GNPTAB: variants seen among roughly 807,000 people sequenced by gnomAD.
GNPTAB encodes the protein N-acetylglucosamine-1-phosphotransferase subunits alpha/beta.
Under a neutral mutation model 136.6 loss-of-function variants are expected in GNPTAB, and 92 were observed. The ratio of observed to expected loss-of-function variants is 0.67; its 90% confidence interval spans 0.57 to 0.80. GNPTAB has a LOEUF of 0.80. Ranked by LOEUF, GNPTAB falls within the 30% of genes least tolerant of loss-of-function variation. GNPTAB has a pLI of 0.00. For synonymous variants in GNPTAB, 512 were observed against 535.1 expected, an observed-to-expected ratio of 0.96 and a Z score of 0.60; for missense variants, 1,343 against 1,501.8, an observed-to-expected ratio of 0.89 and a Z score of 1.75.
intron 11 of GNPTAB, among the ~76,000 whole-genome samples, chr12:101,766,604 C>T (rs192188888): frequency 1.2e-3 from 188 of 152,288 alleles, no homozygotes; most frequent in Middle Eastern, 3.4e-3. Flanking sequence ...CACCACTGCA[C>T]TCCAGCCTGG....
intron 2 of GNPTAB, chr12:101,796,225 A>T: frequency 5.7e-6 from 4 of 702,400 alleles, no homozygotes; most frequent in Non-Finnish European, 1.0e-5. Flanking sequence ...TGGTTTCCTC[A>T]TCCTACAGGG....
chr12:101,753,498 TTA>T lies in GNPTAB; in HGVS notation c.3474_3475del (p.His1158GlnfsTer15), dbSNP rs281865038. 1 of 1,614,006 alleles carries T rather than the reference TTA, an allele frequency of 6.2e-7. No individual in the cohort carries two copies. Among genetic ancestry groups the T allele is most frequent in the East Asian group, 2.2e-5 (1 of 44,866 alleles). ...AACAGCCTTCACTGTCTGAGCATCTTTATGATTGTGGTCAATGTTGTCATTCA... is the reference window on the plus strand; with the variant it reads ...AACAGCCTTCACTGTCTGAGCATCTTTGATTGTGGTCAATGTTGTCATTCA... On this transcript the variant is annotated frameshift_variant, in exon 19 of 21. Coordinates refer to ENST00000299314, the MANE Select transcript of GNPTAB (RefSeq NM_024312.5). LOFTEE classifies it high-confidence loss of function.
At position 101,789,874 on chromosome 12, in the gene GNPTAB, C is replaced by T; in HGVS notation, c.323+64G>A. 3 of 1,437,570 alleles carry T rather than the reference C, an allele frequency of 2.1e-6. No individual in the cohort carries two copies. In the Admixed American group the frequency reaches 5.0e-5, roughly 24 times the overall value. 89.1% of individuals were successfully genotyped at this position (1,437,570 alleles called of 1,614,324 possible). On this transcript the variant is annotated intron_variant, in intron 3 of 20. Coordinates refer to ENST00000299314, the MANE Select transcript of GNPTAB (RefSeq NM_024312.5). Reference sequence around the variant, plus strand: ...TTTCATGCTCATATGTGAGATGTGCCACCCTCAGACCTTATTACATCGCCA... The same window carrying T: ...TTTCATGCTCATATGTGAGATGTGCTACCCTCAGACCTTATTACATCGCCA...
In GNPTAB at chr12:101,825,787, T is replaced by G. The variant is rs1321700265; in HGVS notation, c.117+4772A>C. Among the ~76,000 whole-genome samples, 3 of 152,242 alleles carry G rather than the reference T, an allele frequency of 2.0e-5. No homozygotes were observed. In the East Asian group the frequency reaches 5.8e-4, roughly 29 times the overall value. On this transcript the variant is annotated intron_variant, in intron 1 of 20. Coordinates refer to ENST00000299314, the MANE Select transcript of GNPTAB (RefSeq NM_024312.5). ...TGAGGCTCTTAGAAATATAGTCTCA[T>G]AGTTTGTAAACATTTTTTAAACAAT...
rs765553769 is a variant in GNPTAB, at chr12:101,757,621, G to A, written c.3286C>T (p.Pro1096Ser). Residue 1096 changes from proline to serine, a missense_variant, in exon 17 of 21, where the codon CCA becomes TCA. Physicochemically the swap from Pro to Ser is moderately conservative, Grantham distance 74 (BLOSUM62 -1). Coordinates refer to ENST00000299314, the MANE Select transcript of GNPTAB (RefSeq NM_024312.5). ...VTKSLVTNCK[P>S]VTDKIHKAYK... ...GCTTTGTGGATTTTGTCAGTTACTG[G>A]TTTACAGTTTGTTACTAGACTTTTA... The A allele has an allele frequency of 8.2e-6, 13 of 1,588,502 alleles. No homozygotes were observed. Among genetic ancestry groups the A allele is most frequent in the African/African-American group, 1.3e-5 (1 of 74,504 alleles).
In GNPTAB at chr12:101,753,409, G is replaced by A. The variant is rs137852897; in HGVS notation, c.3565C>T (p.Arg1189Ter). The A allele has an allele frequency of 2.5e-5, 41 of 1,613,814 alleles. No individual in the cohort carries two copies. The East Asian group carries it at 3.3e-4, about 13-fold the overall frequency. The change falls in exon 19 of 21, where the codon CGA (arginine) becomes TGA (stop). Residue 1189 changes from arginine to a stop codon, truncating the protein, a stop_gained. Coordinates refer to ENST00000299314, the MANE Select transcript of GNPTAB (RefSeq NM_024312.5). LOFTEE classifies it high-confidence loss of function. ...TCATGCATATGAAGGAAACGGTTTCGATACTCTCTTGGCAGTTCAAATTGG... is the reference window on the plus strand; with the variant it reads ...TCATGCATATGAAGGAAACGGTTTCAATACTCTCTTGGCAGTTCAAATTGG... ...PSQFELPREY[R>*]NRFLHMHELQ...
At chr12:101,792,848 C>T (rs1351999526) in intron 2 of GNPTAB, among the ~76,000 whole-genome samples, 1 of 152,176 alleles carries the variant, frequency 6.6e-6, no homozygotes, top group Non-Finnish European at 1.5e-5. Context: ...CCTACACCTT[C>T]GGGCTCTCTC....
At chr12:101,769,275 ACTT>A (rs762532388) in intron 10 of GNPTAB, among the ~76,000 whole-genome samples, 2 of 152,152 alleles carry the variant, frequency 1.3e-5, no homozygotes, top group Non-Finnish European at 2.9e-5. Flanking sequence ...ACTCTTAACC[ACTT>A]CTCCATCCCA....
Position 101,809,423 on chromosome 12 carries a change from G to A in GNPTAB, c.118-12661C>T, listed in dbSNP as rs149872760. ...AGGCTTATCACAGTCATGCTCCTAAGTATTTACCTGAGTTGAAAAATTGTG... is the reference window on the plus strand; with the variant it reads ...AGGCTTATCACAGTCATGCTCCTAAATATTTACCTGAGTTGAAAAATTGTG... On this transcript the variant is annotated intron_variant, in intron 1 of 20. Coordinates refer to ENST00000299314, the MANE Select transcript of GNPTAB (RefSeq NM_024312.5). 1.6e-4 allele frequency among the ~76,000 whole-genome samples: 25 copies of A among 152,290 alleles called. No homozygotes were observed. In the East Asian group the frequency reaches 4.6e-3, roughly 28 times the overall value.
intron 8 of GNPTAB, 26 bp from the exon 9 acceptor site, chr12:101,770,611 G>A: frequency 6.5e-7 from 1 of 1,537,354 alleles, no homozygotes; most frequent in Non-Finnish European, 9.0e-7. Context: ...GGCATATGAA[G>A]ATGTGAAATA....
chr12:101,780,100 C>G (rs1256864117), intron 7 of GNPTAB, 52 bp downstream of exon 7: 1 of 1,546,558 alleles, frequency 6.5e-7, no homozygotes, highest in Admixed American at 1.7e-5. Flanking sequence ...AAAAGAATCA[C>G]ACATTAAATG....
intron 13 of GNPTAB, 113 bp downstream of exon 13, chr12:101,764,089 A>T: frequency 1.5e-6 from 2 of 1,339,992 alleles, no homozygotes; most frequent in Non-Finnish European, 2.1e-6. Flanking sequence ...AAAAGCATTT[A>T]GTTCCATGGC....
chr12:101,755,161 T>G (rs1412691627), intron 18 of GNPTAB, among the ~76,000 whole-genome samples: 1 of 152,208 alleles, frequency 6.6e-6, no homozygotes, highest in African/African-American at 2.4e-5. Context: ...GCTAAAATGA[T>G]ACAATGTTTG....
chr12:101,786,366 T>C, intron 4 of GNPTAB, 149 bp from the exon 5 acceptor site: 1 of 694,764 alleles, frequency 1.4e-6, no homozygotes, highest in Middle Eastern at 3.6e-4. Flanking sequence ...ATCTCATGGA[T>C]ACAAAAATTA....
chr12:101,762,145 G>T (rs895058228), intron 13 of GNPTAB, among the ~76,000 whole-genome samples: 9 of 152,162 alleles, frequency 5.9e-5, no homozygotes, highest in African/African-American at 1.9e-4. Flanking sequence ...ATTTCTGCAG[G>T]TGATATCAAA....
chr12:101,782,774 CCT>C (rs1335411537), intron 5 of GNPTAB, among the ~76,000 whole-genome samples: 1 of 152,216 alleles, frequency 6.6e-6, no homozygotes, highest in Non-Finnish European at 1.5e-5. Flanking sequence ...CTACTGCCTG[CCT>C]CTGTCTTGTT....
intron 1 of GNPTAB, among the ~76,000 whole-genome samples, chr12:101,801,510 A>C (rs1041016748): frequency 6.3e-5 from 8 of 126,898 alleles, no homozygotes; most frequent in Non-Finnish European, 9.5e-5. Context: ...ACTGCACTCT[A>C]GCCTGGGTGA....
chr12:101,799,580 G>A (rs996868754), intron 1 of GNPTAB, among the ~76,000 whole-genome samples: 1 of 152,200 alleles, frequency 6.6e-6, no homozygotes, highest in Non-Finnish European at 1.5e-5. Flanking sequence ...TACCTGTAAT[G>A]CTGCTAACCC....
chr12:101,796,407 T>TA (rs1269103761), intron 2 of GNPTAB: 1 of 645,206 alleles, frequency 1.5e-6, no homozygotes, highest in South Asian at 1.8e-5. Context: ...TTCCTTATTT[T>TA]AAAAAAATAT....
Sources: allele counts gnomAD v4.1 joint callset (sites outside exome capture counted in the v4.1 genomes callset), GRCh38; gene constraint gnomAD v4.1.1; transcripts MANE v1.5; gene names NCBI Gene and HGNC (gene_info 2026-07-23, HGNC 2026-07-21).